POLR3B: variants seen among roughly 807,000 people sequenced by gnomAD.
The protein encoded by POLR3B is RNA polymerase III subunit B.
POLR3B carries 96 observed loss-of-function variants against 147.4 expected under a neutral mutation model. The observed-to-expected ratio is 0.65, with a 90% CI of 0.55 to 0.77. POLR3B has a LOEUF of 0.77. Among genes scored for constraint, POLR3B ranks in the 30% least tolerant of loss-of-function variants. The pLI is 0.00. For missense variants in POLR3B, 1,036 were observed against 1,413.5 expected, an observed-to-expected ratio of 0.73 and a Z score of 4.28; for synonymous variants, 461 against 485.9, an observed-to-expected ratio of 0.95 and a Z score of 0.67.
Position 106,433,793 on chromosome 12 carries a change from A to T in POLR3B, c.1702A>T (p.Ile568Phe). The T allele has an allele frequency of 6.2e-7, 1 of 1,613,184 alleles. No individual in the cohort carries two copies. The highest frequency in any genetic ancestry group is 8.5e-7 in the Non-Finnish European group (1 of 1,179,196). The change falls in exon 16 of 28, where the codon ATC becomes TTC. Residue 568 changes from isoleucine (I) to phenylalanine (F), a missense_variant. By Grantham distance (21) the Ile-to-Phe change is conservative (BLOSUM62 0). Transcript: ENST00000228347. ...TCGACTCATGAGAAGAGCAGGATATATCAATGAATTTGTTTCCATCTCAAC... is the reference window on the plus strand; with the variant it reads ...TCGACTCATGAGAAGAGCAGGATATTTCAATGAATTTGTTTCCATCTCAAC... ...TFRLMRRAGYINEFVSISTNL... is the reference protein window; with the variant it reads ...TFRLMRRAGYFNEFVSISTNL...
chr12:106,380,262 A>C, intron 9 of POLR3B, 123 bp downstream of exon 9: 1 of 689,994 alleles, frequency 1.4e-6, no homozygotes. Flanking sequence ...GTAAGTTGTC[A>C]GTCATATGAT....
At chr12:106,496,727 C>G (rs1565915720) in intron 24 of POLR3B, 25 bp from the exon 25 acceptor site, 1 of 1,611,520 alleles carries the variant, frequency 6.2e-7, no homozygotes. Flanking sequence ...GGGAGGTGCT[C>G]ACTTAATTTG....
chr12:106,505,860 T>A (rs1384264113), intron 27 of POLR3B, among the ~76,000 whole-genome samples: 1 of 152,228 alleles, frequency 6.6e-6, no homozygotes, highest in Non-Finnish European at 1.5e-5. Flanking sequence ...TACTAATTTC[T>A]AAGTTGAAAA....
chr12:106,400,313 G>T, intron 10 of POLR3B, among the ~76,000 whole-genome samples: 1 of 152,158 alleles, frequency 6.6e-6, no homozygotes, highest in Non-Finnish European at 1.5e-5. Flanking sequence ...ACCCAATATA[G>T]GAGCACCCAG....
chr12:106,437,047 T>G lies in POLR3B; in HGVS notation c.1782-10T>G. The G allele has an allele frequency of 6.2e-7, 1 of 1,609,898 alleles. No homozygotes were observed. The highest frequency in any genetic ancestry group is 8.5e-7 in the Non-Finnish European group (1 of 1,176,672). ...ACTATTATTAATTTGGTTTGCTGTT[T>G]CCATTCTAGACCCTACATAATTGTC... is the stretch of plus-strand genomic sequence containing the variant. On this transcript the variant is annotated splice_polypyrimidine_tract_variant and intron_variant, in intron 16 of 27. Coordinates refer to ENST00000228347, the MANE Select transcript of POLR3B (RefSeq NM_018082.6).
chr12:106,428,824 G>A (rs1023435845), intron 13 of POLR3B, among the ~76,000 whole-genome samples: 2 of 152,018 alleles, frequency 1.3e-5, no homozygotes, highest in African/African-American at 4.8e-5. Context: ...TCTTTCCCAC[G>A]TTTCAGAAAC....
intron 9 of POLR3B, among the ~76,000 whole-genome samples, chr12:106,383,454 A>G (rs1411600963): frequency 6.9e-6 from 1 of 144,138 alleles, no homozygotes; most frequent in Non-Finnish European, 1.5e-5. Context: ...GGTGACAGAC[A>G]TGCAACCCTT....
intron 18 of POLR3B, among the ~76,000 whole-genome samples, chr12:106,440,838 G>A (rs1001661470): frequency 3.3e-4 from 50 of 151,916 alleles, no homozygotes; most frequent in African/African-American, 1.1e-3. Context: ...CGAAGGCAGG[G>A]ATTTTCATCT....
intron 27 of POLR3B, among the ~76,000 whole-genome samples, chr12:106,508,942 C>T (rs2038731973): frequency 6.6e-6 from 1 of 152,164 alleles, no homozygotes; most frequent in South Asian, 2.1e-4. Flanking sequence ...TGACAGAAAT[C>T]AAGTTATAAT....
At chr12:106,499,193 A>G (rs866738823) in intron 25 of POLR3B, among the ~76,000 whole-genome samples, 1 of 152,250 alleles carries the variant, frequency 6.6e-6, no homozygotes, top group East Asian at 1.9e-4. Context: ...TGCTAAATTC[A>G]TTAACCTTCT....
intron 23 of POLR3B, among the ~76,000 whole-genome samples, chr12:106,480,548 T>A (rs561008783): frequency 2.0e-4 from 30 of 152,298 alleles, no homozygotes; most frequent in African/African-American, 6.7e-4. Flanking sequence ...ATCAGGCTTT[T>A]GACCAGCCCA....
intron 12 of POLR3B, among the ~76,000 whole-genome samples, chr12:106,425,163 A>C (rs183933681): frequency 6.6e-6 from 1 of 152,312 alleles, no homozygotes; most frequent in East Asian, 1.9e-4. Flanking sequence ...AGGAGTGTTG[A>C]GCATGGGCAA....
intron 23 of POLR3B, among the ~76,000 whole-genome samples, chr12:106,477,681 T>C (rs2038194312): frequency 1.3e-5 from 2 of 152,170 alleles, no homozygotes; most frequent in African/African-American, 4.8e-5. Flanking sequence ...CCCTGACCCC[T>C]TGTGCTTCCC....
At chr12:106,396,453 T>A (rs753105861) in intron 10 of POLR3B, among the ~76,000 whole-genome samples, 3 of 152,224 alleles carry the variant, frequency 2.0e-5, no homozygotes, top group Non-Finnish European at 4.4e-5. Flanking sequence ...GGACAGAGTT[T>A]CATTCAATTC....
intron 10 of POLR3B, 151 bp from the exon 11 acceptor site, chr12:106,405,706 T>G: frequency 1.4e-6 from 1 of 737,842 alleles, no homozygotes; most frequent in Non-Finnish European, 2.3e-6. Flanking sequence ...CATTGATTTA[T>G]GATAAACGTT....
Position 106,459,364 on chromosome 12 carries a change from A to G in POLR3B, c.2566A>G (p.Ile856Val). ...GCAACCACAGTACAAAGATGTACCC[A>G]TAACGTATGTATTGGTTGTGCCCTG... ...PQQPQYKDVP[I>V]TYKGATDSYI... is the part of the protein sequence containing the mutation. Residue 856 changes from isoleucine to valine, a missense_variant, in exon 22 of 28, where the codon ATA becomes GTA. By Grantham distance (29) the Ile-to-Val change is conservative (BLOSUM62 3). Coordinates refer to ENST00000228347, the MANE Select transcript of POLR3B (RefSeq NM_018082.6). 3 of 1,458,728 alleles carry G rather than the reference A, an allele frequency of 2.1e-6. No homozygotes were observed. The highest frequency in any genetic ancestry group is 2.9e-6 in the Non-Finnish European group (3 of 1,038,152). The allele number at this position is 1,458,728 out of a possible 1,614,324, so 90.4% of individuals were successfully genotyped here.
At chr12:106,393,176 T>G (rs759713281) in intron 10 of POLR3B, 23 bp downstream of exon 10, 2 of 1,613,822 alleles carry the variant, frequency 1.2e-6, no homozygotes, top group Admixed American at 1.7e-5. Context: ...ATGTTGTCCT[T>G]TGCTATGAAA....
chr12:106,418,478 G>A (rs970107416), intron 12 of POLR3B, among the ~76,000 whole-genome samples: 2 of 152,132 alleles, frequency 1.3e-5, no homozygotes, highest in Non-Finnish European at 2.9e-5. Context: ...AGGAGAATTT[G>A]GCACTCTGTA....
At chr12:106,421,155 G>A (rs2037368968) in intron 12 of POLR3B, among the ~76,000 whole-genome samples, 1 of 151,496 alleles carries the variant, frequency 6.6e-6, no homozygotes, top group Admixed American at 6.6e-5. Flanking sequence ...GTCAAGATGT[G>A]ATACAGTATG....
Sources: gnomAD v4.1 joint callset for allele counts (sites outside exome capture counted in the v4.1 genomes callset) on GRCh38, gnomAD v4.1.1 for gene constraint, MANE v1.5 for transcripts, NCBI Gene and HGNC (gene_info 2026-07-23, HGNC 2026-07-21) for gene names.